RAPGEF4: variants seen among roughly 807,000 people sequenced by gnomAD.
RAPGEF4 encodes Rap guanine nucleotide exchange factor 4, also known as RAP guanine-nucleotide-exchange factor (GEF) 4.
A neutral mutation model predicts 147.9 loss-of-function variants in RAPGEF4; 66 were observed. The ratio of observed to expected loss-of-function variants is 0.45; its 90% CI spans 0.37 to 0.55. The LOEUF (loss-of-function observed/expected upper bound fraction) is 0.55. Ranked by LOEUF, RAPGEF4 falls within the 20% of genes least tolerant of loss-of-function variation. The pLI, the probability that RAPGEF4 is intolerant of heterozygous loss-of-function variation, is 0.00. For missense variants in RAPGEF4, 1,071 were observed against 1,257.3 expected (o/e 0.85, Z 2.24); for synonymous variants, 419 against 442.7 (o/e 0.95, Z 0.67).
chr2:172,789,935 T>C (rs1170574627), intron 1 of RAPGEF4, among the ~76,000 whole-genome samples: 1 of 152,220 alleles, frequency 6.6e-6, no homozygotes, highest in Non-Finnish European at 1.5e-5. Flanking sequence ...GAAGTGTGAA[T>C]ATCTCTTCAA....
chr2:172,967,220 C>T (rs770233259), intron 9 of RAPGEF4, 41 bp from the exon 10 acceptor site: 6 of 1,579,168 alleles, frequency 3.8e-6, no homozygotes, highest in South Asian at 3.5e-5. Flanking sequence ...GCTGTGAGGC[C>T]GAGGTGCTGC....
intron 17 of RAPGEF4, among the ~76,000 whole-genome samples, chr2:173,009,600 C>A (rs1694819635): frequency 6.6e-6 from 1 of 152,026 alleles, no homozygotes; most frequent in African/African-American, 2.4e-5. Context: ...AAAAAAAAAT[C>A]TGAAATCCAA....
intron 4 of RAPGEF4, among the ~76,000 whole-genome samples, chr2:172,881,484 CT>C (rs765639989): frequency 1.3e-5 from 2 of 152,184 alleles, no homozygotes; most frequent in Non-Finnish European, 2.9e-5. Context: ...ATTTTCTATT[CT>C]ACAGTTTTAA....
intron 21 of RAPGEF4, 116 bp from the exon 22 acceptor site, chr2:173,018,540 T>C: frequency 8.7e-7 from 1 of 1,145,512 alleles, no homozygotes; most frequent in Non-Finnish European, 1.3e-6. Flanking sequence ...ATAAATACAG[T>C]AACAAAAATG....
rs574565409 is a variant in RAPGEF4 at position 172,768,269 on chromosome 2, A to G, written c.66-26756A>G. ...TGAGAGGATGTATGGACCAGCAGAC[A>G]ATCATTCATGCAAGAAATGTATTGC... is the stretch of plus-strand genomic sequence containing the variant. On this transcript the variant is annotated intron_variant, in intron 1 of 30. Transcript: ENST00000397081. Among the ~76,000 whole-genome samples, 8 of 152,344 alleles carry G rather than the reference A, an allele frequency of 5.3e-5. No homozygotes were observed. The Middle Eastern group carries it at 0.01, about 196-fold the overall frequency.
chr2:172,807,212 T>C (rs1440794500), intron 3 of RAPGEF4, among the ~76,000 whole-genome samples: 1 of 152,254 alleles, frequency 6.6e-6, no homozygotes, highest in Non-Finnish European at 1.5e-5. Context: ...TTTTGCCGTG[T>C]AATTCTTTGT....
intron 1 of RAPGEF4, among the ~76,000 whole-genome samples, chr2:172,749,535 A>G (rs1270063096): frequency 2.0e-5 from 3 of 152,212 alleles, no homozygotes. Flanking sequence ...CGCACACAGC[A>G]GGGGGGCCCT....
chr2:173,051,486 C>T (rs951679311), intron 30 of RAPGEF4, among the ~76,000 whole-genome samples, 154 bp from the exon 31 acceptor site: 47 of 151,958 alleles, frequency 3.1e-4, no homozygotes, highest in African/African-American at 1.0e-3. Context: ...GATGGAACAA[C>T]CAAGTGGAAA....
chr2:172,847,938 A>T (rs756338551), intron 4 of RAPGEF4, among the ~76,000 whole-genome samples: 1 of 152,036 alleles, frequency 6.6e-6, no homozygotes, highest in African/African-American at 2.4e-5. Context: ...TTATTTCATG[A>T]GTGGTGGTCA....
chr2:172,985,516 A>T, intron 12 of RAPGEF4, 23 bp downstream of exon 12: 1 of 1,608,894 alleles, frequency 6.2e-7, no homozygotes. Flanking sequence ...CTGTACTGGA[A>T]CCTTGCGCCT....
intron 1 of RAPGEF4, among the ~76,000 whole-genome samples, chr2:172,745,835 A>G (rs1694719570): frequency 1.3e-5 from 2 of 152,200 alleles, no homozygotes; most frequent in South Asian, 4.1e-4. Context: ...ATACTTTGCA[A>G]TGTGGTGAAC....
At chr2:172,920,309 CT>C (rs1684608941) in intron 5 of RAPGEF4, among the ~76,000 whole-genome samples, 1 of 152,042 alleles carries the variant, frequency 6.6e-6, no homozygotes, top group Admixed American at 6.6e-5. Context: ...AAAATAAGGA[CT>C]TTTTCATGTG....
intron 4 of RAPGEF4, among the ~76,000 whole-genome samples, chr2:172,829,128 AGAGGCCGTAT>A (rs1690009826): frequency 6.6e-6 from 1 of 152,172 alleles, no homozygotes; most frequent in Non-Finnish European, 1.5e-5. Context: ...CCCTGGAGCA[AGAGGCCGTAT>A]GTTGCTTCAA....
chr2:172,795,186 G>A lies in RAPGEF4; in HGVS notation c.208+19G>A, dbSNP rs560477158. 8.5e-4 allele frequency: 1,335 copies of A among 1,577,000 alleles called. 20 individuals are homozygous for A. In the South Asian group the frequency reaches 0.014, roughly 17 times the overall value. On this transcript the variant is annotated intron_variant, in intron 2 of 30. Coordinates refer to ENST00000397081, the MANE Select transcript of RAPGEF4 (RefSeq NM_007023.4). ...ATAACATGTAAGAAATGCAACTCTTGTAGTATATTTCCATGTATGGTTTAT... is the reference window on the plus strand; with the variant it reads ...ATAACATGTAAGAAATGCAACTCTTATAGTATATTTCCATGTATGGTTTAT...
Position 173,048,556 on chromosome 2 carries a change from G to A in RAPGEF4, c.2854-44G>A, listed in dbSNP as rs151152339. Reference sequence around the variant, plus strand: ...TTTTCCTTTTTGGATTGTACTCTACGCTTACTTGAATTTCTATCTTTCTTT... The same window carrying A: ...TTTTCCTTTTTGGATTGTACTCTACACTTACTTGAATTTCTATCTTTCTTT... On this transcript the variant is annotated intron_variant, in intron 29 of 30. Transcript: ENST00000397081. 367 of 1,612,968 alleles carry A rather than the reference G, an allele frequency of 2.3e-4. 3 individuals are homozygous for A. The African/African-American group carries it at 4.0e-3, about 18-fold the overall frequency.
At chr2:172,974,492 C>T (rs1475385803) in intron 10 of RAPGEF4, among the ~76,000 whole-genome samples, 2 of 151,932 alleles carry the variant, frequency 1.3e-5, no homozygotes, top group Admixed American at 6.6e-5. Flanking sequence ...AAGACCAGCC[C>T]GGGCAACATG....
chr2:172,940,911 T>C (rs956911504), intron 6 of RAPGEF4, among the ~76,000 whole-genome samples: 7 of 152,330 alleles, frequency 4.6e-5, no homozygotes, highest in Admixed American at 3.9e-4. Flanking sequence ...CAGTATTTTG[T>C]AGTTGTCTCT....
At chr2:172,927,782 G>C (rs1685521606) in intron 6 of RAPGEF4, among the ~76,000 whole-genome samples, 1 of 152,166 alleles carries the variant, frequency 6.6e-6, no homozygotes, top group African/African-American at 2.4e-5. Context: ...GATTGATCCA[G>C]GCTGAACCTA....
intron 14 of RAPGEF4, among the ~76,000 whole-genome samples, chr2:172,989,457 G>A (rs943662056): frequency 3.9e-5 from 6 of 152,172 alleles, no homozygotes; most frequent in Non-Finnish European, 7.4e-5. Flanking sequence ...GAATAACTGG[G>A]GTGGTAGAGG....
Sources: gnomAD v4.1 joint callset for allele counts (sites outside exome capture counted in the v4.1 genomes callset) on GRCh38, gnomAD v4.1.1 for gene constraint, MANE v1.5 for transcripts, NCBI Gene and HGNC (gene_info 2026-07-23, HGNC 2026-07-21) for gene names.